The following MCC variants were observed in gnomAD, a reference collection of about 807,000 sequenced individuals.
MCC encodes the protein MCC regulator of Wnt signaling pathway.
Under a neutral mutation model 116.2 loss-of-function variants are expected in MCC, and 90 were observed. That is an observed-to-expected ratio of 0.77 (90% CI 0.65 to 0.92). The LOEUF (loss-of-function observed/expected upper bound fraction) is 0.92, where lower values mean the gene tolerates loss of function less well. Ranked by LOEUF, MCC falls within the 40% of genes least tolerant of loss-of-function variation. The pLI, the probability that MCC is intolerant of heterozygous loss-of-function variation, is 0.00. For synonymous variants in MCC, 578 were observed against 510.5 expected (o/e 1.13, Z -1.78); for missense variants, 1,516 against 1,312.2 (o/e 1.16, Z -2.40).
chr5:113,450,276 G>T (rs1440390439), intron 1 of MCC, among the ~76,000 whole-genome samples: 2 of 152,170 alleles, frequency 1.3e-5, no homozygotes, highest in East Asian at 3.8e-4. Flanking sequence ...TTTAAGCCTA[G>T]AGAATGGACT....
intron 1 of MCC, among the ~76,000 whole-genome samples, chr5:113,411,898 G>A (rs957720238): frequency 2.0e-5 from 3 of 152,120 alleles, no homozygotes; most frequent in African/African-American, 4.8e-5. Flanking sequence ...GGTTTTTATA[G>A]TTTTTGGTCT....
intron 2 of MCC, among the ~76,000 whole-genome samples, chr5:113,361,595 T>A (rs1300399436): frequency 6.6e-6 from 1 of 152,234 alleles, no homozygotes; most frequent in Non-Finnish European, 1.5e-5. Context: ...TCAATTTGAC[T>A]GGTTAAGGGA....
chr5:113,198,965 C>T (rs1361423135), intron 3 of MCC, among the ~76,000 whole-genome samples: 1 of 151,796 alleles, frequency 6.6e-6, no homozygotes, highest in Non-Finnish European at 1.5e-5. Flanking sequence ...CTTTGGGAGG[C>T]CGAGGTGGGC....
At chr5:113,234,096 A>G (rs1327650834) in intron 3 of MCC, among the ~76,000 whole-genome samples, 2 of 152,244 alleles carry the variant, frequency 1.3e-5, no homozygotes, top group Non-Finnish European at 2.9e-5. Context: ...CAGGTGCTCA[A>G]TATTTGTTGA....
intron 3 of MCC, among the ~76,000 whole-genome samples, chr5:113,309,048 A>C (rs1240982483): frequency 6.6e-6 from 1 of 152,224 alleles, no homozygotes; most frequent in Non-Finnish European, 1.5e-5. Flanking sequence ...GTCAAATAAT[A>C]AATCTCTTTA....
At chr5:113,151,244 A>T in intron 4 of MCC, 65 bp downstream of exon 4, 1 of 957,758 alleles carries the variant, frequency 1.0e-6, no homozygotes, top group Non-Finnish European at 1.6e-6. Flanking sequence ...CTCATGTTTT[A>T]TCTTAAGATT....
chr5:113,090,733 A>G (rs923353086), intron 8 of MCC, among the ~76,000 whole-genome samples: 1 of 152,270 alleles, frequency 6.6e-6, no homozygotes, highest in Non-Finnish European at 1.5e-5. Flanking sequence ...AGAGGTTAAC[A>G]GAGGTTGCAG....
intron 16 of MCC, 120 bp from the exon 17 acceptor site, chr5:113,043,750 G>A: frequency 1.5e-6 from 1 of 653,006 alleles, no homozygotes. Context: ...GCACCGGGTG[G>A]CGCCCTCAGG....
chr5:113,401,845 A>T (rs1769696444), intron 1 of MCC, among the ~76,000 whole-genome samples: 1 of 151,794 alleles, frequency 6.6e-6, no homozygotes. Context: ...ACATATTTTT[A>T]AAATTATTAT....
At chr5:113,337,171 T>C (rs1767890621) in intron 3 of MCC, among the ~76,000 whole-genome samples, 1 of 152,176 alleles carries the variant, frequency 6.6e-6, no homozygotes, top group African/African-American at 2.4e-5. Flanking sequence ...GCCAGCAGCA[T>C]AGGACATCTA....
At chr5:113,460,871 T>A (rs1239333290) in intron 1 of MCC, among the ~76,000 whole-genome samples, 1 of 152,242 alleles carries the variant, frequency 6.6e-6, no homozygotes, top group African/African-American at 2.4e-5. Flanking sequence ...AAATTTGCAA[T>A]TTAACAATGT....
intron 1 of MCC, among the ~76,000 whole-genome samples, chr5:113,411,115 T>A (rs1432692370): frequency 2.0e-5 from 3 of 152,202 alleles, no homozygotes; most frequent in Non-Finnish European, 4.4e-5. Context: ...CCTTTCGGTA[T>A]ATAACCAGTA....
At chr5:113,437,845 A>C (rs1388552051) in intron 1 of MCC, among the ~76,000 whole-genome samples, 1 of 152,136 alleles carries the variant, frequency 6.6e-6, no homozygotes, top group Non-Finnish European at 1.5e-5. Flanking sequence ...GGGTAGAGTG[A>C]ATAGGTAAAT....
intron 3 of MCC, among the ~76,000 whole-genome samples, chr5:113,296,921 A>G (rs1039500670): frequency 3.9e-5 from 6 of 152,188 alleles, no homozygotes; most frequent in African/African-American, 9.7e-5. Context: ...CAACCAAAAG[A>G]AAAGTAATCT....
chr5:113,422,328 G>A (rs1272651405), intron 1 of MCC, among the ~76,000 whole-genome samples: 4 of 152,144 alleles, frequency 2.6e-5, no homozygotes, highest in Non-Finnish European at 5.9e-5. Context: ...ATGGATAACT[G>A]TAAATATAGT....
intron 3 of MCC, among the ~76,000 whole-genome samples, chr5:113,187,626 G>A (rs1214123363): frequency 6.6e-6 from 1 of 151,902 alleles, no homozygotes; most frequent in African/African-American, 2.4e-5. Context: ...GTGGTGGTGG[G>A]TGCCTGTAGT....
At chr5:113,082,819 C>T in intron 11 of MCC, 41 bp downstream of exon 11, 1 of 1,603,884 alleles carries the variant, frequency 6.2e-7, no homozygotes, top group Non-Finnish European at 8.5e-7. Flanking sequence ...AGTAGCACCT[C>T]CTCCCTGCCC....
At chr5:113,364,241 A>G (rs1768628030) in intron 2 of MCC, among the ~76,000 whole-genome samples, 3 of 125,876 alleles carry the variant, frequency 2.4e-5, no homozygotes, top group African/African-American at 1.0e-4. Flanking sequence ...AAAAACAGAA[A>G]AAAAAAAAAA....
intron 6 of MCC, among the ~76,000 whole-genome samples, chr5:113,119,510 T>C (rs1025593016): frequency 1.3e-5 from 2 of 152,144 alleles, no homozygotes; most frequent in African/African-American, 2.4e-5. Flanking sequence ...TGGCTGCAGC[T>C]GGAAGAAAAA....
Sources: allele counts gnomAD v4.1 joint callset (sites outside exome capture counted in the v4.1 genomes callset), GRCh38; gene constraint gnomAD v4.1.1; transcripts MANE v1.5; gene names NCBI Gene and HGNC (gene_info 2026-07-23, HGNC 2026-07-21).